DNM3: variants seen among roughly 807,000 people sequenced by gnomAD.
The protein encoded by DNM3 is dynamin-3.
Under a neutral mutation model 101.6 loss-of-function variants are expected in DNM3, and 47 were observed. That is an observed-to-expected ratio of 0.46 (90% CI 0.37 to 0.59). The LOEUF (loss-of-function observed/expected upper bound fraction) is 0.59. DNM3 is among the 20% of genes least tolerant of loss of function. The pLI, the probability that DNM3 is intolerant of heterozygous loss-of-function variation, is 0.00. For missense variants in DNM3, 849 were observed against 1,085.7 expected, an observed-to-expected ratio of 0.78 and a Z score of 3.06; for synonymous variants, 385 against 387.9, an observed-to-expected ratio of 0.99 and a Z score of 0.09.
chr1:172,080,754 T>C (rs967039569), intron 11 of DNM3, among the ~76,000 whole-genome samples: 50 of 152,108 alleles, frequency 3.3e-4, no homozygotes, highest in Admixed American at 3.2e-3. Context: ...GCCCTTGTGG[T>C]GTAGGCACCC....
At chr1:172,093,836 A>G in intron 13 of DNM3, 1 of 1,057,796 alleles carries the variant, frequency 9.5e-7, no homozygotes, top group Non-Finnish European at 1.4e-6. Flanking sequence ...AATTTTTTTT[A>G]AACTTAGGTT....
chr1:172,298,771 G>C (rs1573354046), intron 15 of DNM3, among the ~76,000 whole-genome samples: 1 of 151,622 alleles, frequency 6.6e-6, no homozygotes, highest in African/African-American at 2.4e-5. Flanking sequence ...TGGGCTAGTT[G>C]AGAAGGTAGA....
chr1:171,874,651 C>T lies in DNM3; in HGVS notation c.161+32834C>T, dbSNP rs117323801. ...TGCTACTCTTGTACTTATTCAGCCA[C>T]CTTAAAACATAATGTCAACTTTTAT... On this transcript the variant is annotated intron_variant, in intron 1 of 20. Coordinates refer to ENST00000627582, the MANE Select transcript of DNM3 (RefSeq NM_015569.5). 3.4e-4 allele frequency among the ~76,000 whole-genome samples: 51 copies of T among 152,162 alleles called. No individual in the cohort carries two copies. The East Asian group carries it at 9.8e-3, about 29-fold the overall frequency.
intron 14 of DNM3, among the ~76,000 whole-genome samples, chr1:172,198,452 C>A (rs922830220): frequency 6.6e-6 from 1 of 151,782 alleles, no homozygotes; most frequent in South Asian, 2.1e-4. Flanking sequence ...GGAGGAGCCT[C>A]TCTCAATTTT....
chr1:172,095,284 T>TA (rs1448267612), intron 13 of DNM3, among the ~76,000 whole-genome samples: 1 of 152,188 alleles, frequency 6.6e-6, no homozygotes. Context: ...AAGGAATAGT[T>TA]ACACCAAGTA....
chr1:171,923,365 G>A (rs1245266274), intron 2 of DNM3, among the ~76,000 whole-genome samples: 3 of 151,800 alleles, frequency 2.0e-5, no homozygotes, highest in African/African-American at 4.8e-5. Flanking sequence ...TTGGTTATTT[G>A]CCTTTGTATT....
chr1:172,097,273 G>A (rs1466755504), intron 13 of DNM3, among the ~76,000 whole-genome samples: 1 of 152,046 alleles, frequency 6.6e-6, no homozygotes, highest in Non-Finnish European at 1.5e-5. Flanking sequence ...GGTGGCGAGT[G>A]CCTGTAATCC....
chr1:172,019,943 T>C (rs1006357938), intron 4 of DNM3, among the ~76,000 whole-genome samples: 1 of 152,152 alleles, frequency 6.6e-6, no homozygotes, highest in African/African-American at 2.4e-5. Flanking sequence ...CCCAGTCTGA[T>C]AACTCTAACA....
intron 12 of DNM3, 117 bp downstream of exon 12, chr1:172,082,019 ACT>A (rs2053186919): frequency 1.9e-6 from 2 of 1,066,822 alleles, no homozygotes; most frequent in Admixed American, 4.2e-5. Flanking sequence ...GCCAGGATTA[ACT>A]CTCAGTGTGC....
chr1:172,209,902 A>G (rs1466512812), intron 14 of DNM3, among the ~76,000 whole-genome samples: 2 of 152,160 alleles, frequency 1.3e-5, no homozygotes, highest in Middle Eastern at 3.2e-3. Context: ...GATATAATAC[A>G]ACCATCAAAA....
chr1:172,233,199 A>G (rs943406582), intron 14 of DNM3, among the ~76,000 whole-genome samples: 3 of 152,236 alleles, frequency 2.0e-5, no homozygotes, highest in Non-Finnish European at 4.4e-5. Context: ...AAAATGATAA[A>G]GGGGATATCA....
Position 172,408,101 on chromosome 1 carries a change from G to A in DNM3, c.*260G>A, listed in dbSNP as rs111756763. 26 of 1,248,694 alleles carry A rather than the reference G, an allele frequency of 2.1e-5. No homozygotes were observed. In the African/African-American group the frequency reaches 3.0e-4, roughly 15 times the overall value. The allele number at this position is 1,248,694 out of a possible 1,614,324, so 77.4% of individuals were successfully genotyped here. A position where few individuals can be genotyped will look rare whatever the true frequency, so the allele number is the denominator to read the frequency against. On this transcript the variant is annotated 3_prime_UTR_variant, in exon 21 of 21. Coordinates refer to ENST00000627582, the MANE Select transcript of DNM3 (RefSeq NM_015569.5). ...GGTTTGTATAGCAGCCCTATACTTT[G>A]GGGATCATTTGCCTACCATGGCATA...
intron 15 of DNM3, among the ~76,000 whole-genome samples, chr1:172,304,762 CA>C (rs2064698191): frequency 6.6e-6 from 1 of 152,304 alleles, no homozygotes; most frequent in Non-Finnish European, 1.5e-5. Flanking sequence ...TGAAACTGAA[CA>C]ACCTGCTCCT....
Position 172,409,821 on chromosome 1 carries a change from G to C in DNM3, c.*1980G>C. 1 of 985,574 alleles carries C rather than the reference G, an allele frequency of 1.0e-6. No individual in the cohort carries two copies. The allele number at this position is 985,574 out of a possible 1,614,324, so 61.1% of individuals were successfully genotyped here. A position where few individuals can be genotyped will look rare whatever the true frequency, so the allele number is the denominator to read the frequency against. On this transcript the variant is annotated 3_prime_UTR_variant, in exon 21 of 21. Transcript: ENST00000627582. Reference sequence around the variant, plus strand: ...AACGGATTATATACTTCAGGGTTTGGCTTTGTGCTAAATGTGGTTTTGTGT... The same window carrying C: ...AACGGATTATATACTTCAGGGTTTGCCTTTGTGCTAAATGTGGTTTTGTGT...
intron 14 of DNM3, among the ~76,000 whole-genome samples, chr1:172,173,415 T>C (rs2059037310): frequency 6.6e-6 from 1 of 151,510 alleles, no homozygotes; most frequent in Non-Finnish European, 1.5e-5. Flanking sequence ...TTGGATATAC[T>C]GAGATTTACA....
chr1:172,376,761 A>G (rs2068624053), intron 17 of DNM3: 1 of 152,110 alleles, frequency 6.6e-6, no homozygotes, highest in Non-Finnish European at 1.5e-5. Flanking sequence ...CCAAAAGCTA[A>G]GAAGAATTTC....
At position 172,132,792 on chromosome 1, in the gene DNM3, A is replaced by C. The variant is rs116791700; in HGVS notation, c.1659+1504A>C. The C allele has an allele frequency of 2.0e-4, 136 of 677,978 alleles. 1 individual carries two copies. Among genetic ancestry groups the C allele is most frequent in the Middle Eastern group, 2.0e-3 (8 of 4,090 alleles). 42.0% of individuals were successfully genotyped at this position (677,978 alleles called of 1,614,324 possible). ...AACTCATTTAACCATATTCAGCCTTAACTACTACTATCCCTATTGTTGATG... is the reference window on the plus strand; with the variant it reads ...AACTCATTTAACCATATTCAGCCTTCACTACTACTATCCCTATTGTTGATG... On this transcript the variant is annotated intron_variant, in intron 14 of 20. Transcript: ENST00000627582.
intron 17 of DNM3, among the ~76,000 whole-genome samples, chr1:172,372,674 A>ATTTT (rs71107346): frequency 2.5e-5 from 2 of 79,004 alleles, no homozygotes; most frequent in Admixed American, 1.8e-4. Flanking sequence ...CTTGTAATTA[A>ATTTT]TTTTTTTTTT....
At chr1:171,984,599 C>T (rs1244300073) in intron 2 of DNM3, among the ~76,000 whole-genome samples, 1 of 152,206 alleles carries the variant, frequency 6.6e-6, no homozygotes, top group African/African-American at 2.4e-5. Flanking sequence ...CCAAGCAACC[C>T]CTTTCCCAGA....
Sources: allele counts gnomAD v4.1 joint callset (sites outside exome capture counted in the v4.1 genomes callset), GRCh38; gene constraint gnomAD v4.1.1; transcripts MANE v1.5; gene names NCBI Gene and HGNC (gene_info 2026-07-23, HGNC 2026-07-21).